TENM4: variants seen among roughly 807,000 people sequenced by gnomAD.
TENM4 encodes teneurin transmembrane protein 4.
TENM4 carries 82 observed loss-of-function variants against 243.3 expected under a neutral mutation model. That is an observed-to-expected ratio of 0.34 (90% CI 0.28 to 0.40). The LOEUF (loss-of-function observed/expected upper bound fraction) is 0.40. Among genes scored for constraint, TENM4 ranks in the 10% least tolerant of loss-of-function variants. The probability of loss-of-function intolerance (pLI) is 1.00; values close to 1 mark genes in which losing one functional copy is unlikely to be tolerated. For synonymous variants in TENM4, 1,412 were observed against 1,456.3 expected (o/e 0.97, Z 0.69); for missense variants, 3,138 against 3,673.3 (o/e 0.85, Z 3.77).
Position 78,982,469 on chromosome 11 carries a change from A to C in TENM4, c.494-78946T>G, listed in dbSNP as rs1225122677. 3.9e-5 allele frequency among the ~76,000 whole-genome samples: 6 copies of C among 152,148 alleles called. No individual in the cohort carries two copies. In the East Asian group the frequency reaches 1.2e-3, roughly 30 times the overall value. Reference sequence around the variant, plus strand: ...TGCTTAAGTGATTGACAACTGGCTGACACCCTGGGCGCAAGTCTCAGAGGG... The same window carrying C: ...TGCTTAAGTGATTGACAACTGGCTGCCACCCTGGGCGCAAGTCTCAGAGGG... On this transcript the variant is annotated intron_variant, in intron 6 of 33. Transcript: ENST00000278550.
intron 6 of TENM4, among the ~76,000 whole-genome samples, chr11:78,987,481 G>A (rs950010898): frequency 6.6e-6 from 1 of 152,210 alleles, no homozygotes; most frequent in Non-Finnish European, 1.5e-5. Context: ...GAGAATAGTA[G>A]TTGTCTCAGG....
intron 1 of TENM4, among the ~76,000 whole-genome samples, chr11:79,385,942 C>T (rs922104065): frequency 2.0e-5 from 3 of 152,182 alleles, no homozygotes; most frequent in Non-Finnish European, 2.9e-5. Context: ...TTAAACAGCA[C>T]AGAACAATCC....
chr11:78,863,215 G>C (rs1858868918), intron 9 of TENM4, 83 bp from the exon 10 acceptor site: 1 of 1,392,894 alleles, frequency 7.2e-7, no homozygotes, highest in African/African-American at 1.4e-5. Flanking sequence ...AGGTGGGCAG[G>C]GTGGGGGAAC....
chr11:78,828,485 G>A (rs575256455), intron 12 of TENM4, among the ~76,000 whole-genome samples: 8 of 152,210 alleles, frequency 5.3e-5, no homozygotes, highest in African/African-American at 1.9e-4. Flanking sequence ...CTCAGGCTGC[G>A]GTGGATTTTT....
At chr11:79,299,113 C>T (rs1856510028) in intron 1 of TENM4, among the ~76,000 whole-genome samples, 3 of 152,116 alleles carry the variant, frequency 2.0e-5, no homozygotes, top group African/African-American at 7.2e-5. Context: ...TACACACACA[C>T]AATTTATTAA....
intron 29 of TENM4, among the ~76,000 whole-genome samples, chr11:78,684,488 C>G (rs910990735): frequency 6.6e-6 from 1 of 152,170 alleles, no homozygotes; most frequent in African/African-American, 2.4e-5. Context: ...TGTCTCTTGT[C>G]TCTCCTCTAT....
chr11:79,308,358 T>TC (rs780547001), intron 1 of TENM4, among the ~76,000 whole-genome samples: 1 of 152,238 alleles, frequency 6.6e-6, no homozygotes, highest in East Asian at 1.9e-4. Flanking sequence ...AGATTTTTCT[T>TC]CCTTTTTTTT....
Position 79,064,944 on chromosome 11 carries a change from T to C in TENM4, c.287A>G (p.Tyr96Cys). ...GTGGGGGAGGCCAATGTCTGTCCGG[T>C]ACAGGGTCCCGTGAGGGGGCGTTAC... is the stretch of plus-strand genomic sequence containing the variant. ...EEVTPPHGTL[Y>C]RTDIGLPHCG... Residue 96 changes from tyrosine to cysteine, a missense_variant, in exon 6 of 34, where the codon TAC becomes TGC. By Grantham distance (194) the Tyr-to-Cys change is radical. Coordinates refer to ENST00000278550, the MANE Select transcript of TENM4 (RefSeq NM_001098816.3). 1 of 1,508,314 alleles carries C rather than the reference T, an allele frequency of 6.6e-7. No homozygotes were observed. Among genetic ancestry groups the C allele is most frequent in the Non-Finnish European group, 8.9e-7 (1 of 1,121,860 alleles). The allele number at this position is 1,508,314 out of a possible 1,614,324, so 93.4% of individuals were successfully genotyped here. A position where few individuals can be genotyped will look rare whatever the true frequency, so the allele number is the denominator to read the frequency against.
At chr11:79,172,788 AC>A (rs1180413846) in intron 3 of TENM4, among the ~76,000 whole-genome samples, 2 of 151,038 alleles carry the variant, frequency 1.3e-5, no homozygotes, top group African/African-American at 4.9e-5. Flanking sequence ...ACAAGTGTGC[AC>A]CACCACGCCC....
chr11:78,958,949 A>C (rs1857262475), intron 6 of TENM4, among the ~76,000 whole-genome samples: 1 of 152,254 alleles, frequency 6.6e-6, no homozygotes, highest in Admixed American at 6.5e-5. Flanking sequence ...TATCAGCTTC[A>C]ACTTTTTTAA....
chr11:78,861,832 T>C (rs1294130228), intron 10 of TENM4, among the ~76,000 whole-genome samples: 1 of 152,212 alleles, frequency 6.6e-6, no homozygotes, highest in Non-Finnish European at 1.5e-5. Context: ...AGGCAGCTAT[T>C]GCCAATGTGC....
At chr11:79,143,068 G>A (rs936900265) in intron 4 of TENM4, among the ~76,000 whole-genome samples, 5 of 151,920 alleles carry the variant, frequency 3.3e-5, no homozygotes, top group Admixed American at 6.6e-5. Flanking sequence ...ACACTTTTAC[G>A]CTGTTGGTGG....
intron 26 of TENM4, among the ~76,000 whole-genome samples, chr11:78,711,904 C>A (rs995390159): frequency 6.6e-6 from 1 of 152,138 alleles, no homozygotes; most frequent in Non-Finnish European, 1.5e-5. Context: ...ATCTATGCAA[C>A]CACTCTATGT....
At chr11:79,179,012 T>C (rs1342845670) in intron 3 of TENM4, among the ~76,000 whole-genome samples, 1 of 152,194 alleles carries the variant, frequency 6.6e-6, no homozygotes, top group African/African-American at 2.4e-5. Flanking sequence ...TACAAAAGAC[T>C]CCATATTATT....
chr11:78,833,999 C>T (rs1281725300), intron 12 of TENM4, among the ~76,000 whole-genome samples: 1 of 152,130 alleles, frequency 6.6e-6, no homozygotes. Context: ...CTAGGTTGGC[C>T]ACTTGCAATC....
chr11:79,044,283 C>T (rs1411046807), intron 6 of TENM4, among the ~76,000 whole-genome samples: 1 of 152,190 alleles, frequency 6.6e-6, no homozygotes, highest in African/African-American at 2.4e-5. Flanking sequence ...GAATGTCATT[C>T]CAAAGTCACA....
chr11:78,953,699 A>G (rs570034676), intron 6 of TENM4, among the ~76,000 whole-genome samples: 1 of 152,358 alleles, frequency 6.6e-6, no homozygotes, highest in South Asian at 2.1e-4. Context: ...TGATTAAATT[A>G]TACAAGAGGA....
chr11:79,063,194 C>T (rs763080284), intron 6 of TENM4, among the ~76,000 whole-genome samples: 45 of 152,218 alleles, frequency 3.0e-4, no homozygotes, highest in South Asian at 8.3e-4. Flanking sequence ...TGACCCTGAC[C>T]GTGCGTGGTC....
At chr11:78,959,563 A>G (rs1857274362) in intron 6 of TENM4, among the ~76,000 whole-genome samples, 1 of 152,092 alleles carries the variant, frequency 6.6e-6, no homozygotes, top group African/African-American at 2.4e-5. Context: ...CTCTCTCATG[A>G]TCCCAACCCC....
Sources: allele counts gnomAD v4.1 joint callset (sites outside exome capture counted in the v4.1 genomes callset), GRCh38; gene constraint gnomAD v4.1.1; transcripts MANE v1.5; gene names NCBI Gene and HGNC (gene_info 2026-07-23, HGNC 2026-07-21).